GCN1: variants seen among roughly 807,000 people sequenced by gnomAD.
GCN1 encodes the protein GCN1 activator of EIF2AK4.
GCN1 carries 90 observed loss-of-function variants against 288.4 expected under a neutral mutation model. The ratio of observed to expected loss-of-function variants is 0.31; its 90% CI spans 0.26 to 0.37. The LOEUF is 0.37. GCN1 is among the 10% of genes least tolerant of loss of function. GCN1 has a pLI of 1.00. For synonymous variants in GCN1, 1,386 were observed against 1,420.2 expected (o/e 0.98, Z 0.54); for missense variants, 2,586 against 3,419.9 (o/e 0.76, Z 6.08).
rs145272774 is a variant in GCN1 at position 120,142,277 on chromosome 12, G to C, written c.5829+230C>G. ...GGAGGCGGAGCTTGCAGTGAGCTGA[G>C]ATCACGCCACTGCACTTCAGCCTGG... On this transcript the variant is annotated intron_variant, in intron 44 of 57. Transcript: ENST00000300648. The surrounding 1 kb of genome is among the most constrained non-coding windows in gnomAD (Gnocchi z 4.9). 3.7e-4 allele frequency among the ~76,000 whole-genome samples: 57 copies of C among 152,284 alleles called. No homozygotes were observed. In the East Asian group the frequency reaches 8.5e-3, roughly 23 times the overall value.
intron 16 of GCN1, 59 bp from the exon 17 acceptor site, chr12:120,164,780 A>T: frequency 9.8e-7 from 1 of 1,018,498 alleles, no homozygotes; most frequent in Non-Finnish European, 1.5e-6. Flanking sequence ...ACACATACAT[A>T]CCAATACCCA....
chr12:120,146,296 T>C (rs568866392), intron 38 of GCN1, among the ~76,000 whole-genome samples: 1 of 152,008 alleles, frequency 6.6e-6, no homozygotes, highest in South Asian at 2.1e-4. Context: ...TAACAGTAAT[T>C]ATTTTCGTGG....
intron 2 of GCN1, among the ~76,000 whole-genome samples, chr12:120,186,965 TTTCTAACTA>T (rs1878839112): frequency 6.6e-6 from 1 of 152,142 alleles, no homozygotes; most frequent in Non-Finnish European, 1.5e-5. Context: ...ATGGCTGCCT[TTTCTAACTA>T]GAGGGCTCTG....
At chr12:120,163,378 G>T in intron 18 of GCN1, 119 bp from the exon 19 acceptor site, 1 of 762,910 alleles carries the variant, frequency 1.3e-6, no homozygotes, top group Non-Finnish European at 2.1e-6. Flanking sequence ...GGTCCTTGCT[G>T]GAGTAGAAAT....
At chr12:120,183,064 G>C (rs775582141) in intron 5 of GCN1, among the ~76,000 whole-genome samples, 4 of 152,044 alleles carry the variant, frequency 2.6e-5, no homozygotes, top group African/African-American at 4.8e-5. Context: ...CATGGGGAAA[G>C]AAAAAGAAGA....
intron 45 of GCN1, among the ~76,000 whole-genome samples, chr12:120,139,776 C>A (rs1191151476): frequency 1.3e-5 from 2 of 152,206 alleles, no homozygotes; most frequent in African/African-American, 4.8e-5. Flanking sequence ...TGGCATCTGG[C>A]CCCCTCTCTC....
intron 1 of GCN1, among the ~76,000 whole-genome samples, chr12:120,194,262 G>GACTAC (rs931701548): frequency 6.6e-6 from 1 of 152,238 alleles, no homozygotes; most frequent in African/African-American, 2.4e-5. Flanking sequence ...TGAATCCAAA[G>GACTAC]ACTACACTCA....
At chr12:120,186,998 C>T (rs937335142) in intron 2 of GCN1, among the ~76,000 whole-genome samples, 1 of 152,070 alleles carries the variant, frequency 6.6e-6, no homozygotes, top group African/African-American at 2.4e-5. Context: ...GGAAAGTGAC[C>T]AGAAAAACCG....
At chr12:120,181,139 C>T (rs1345111808) in intron 5 of GCN1, among the ~76,000 whole-genome samples, 5 of 151,964 alleles carry the variant, frequency 3.3e-5, no homozygotes. Flanking sequence ...AAACCGTAAG[C>T]AACAGAGGAC....
In GCN1 at chr12:120,148,121, G is replaced by A. The variant is rs1222142693; in HGVS notation, c.4726+46C>T. ...TTCCCTGCAGTGTCCAAAGGCTGCG[G>A]CGTTGGTGGGAGGTCAGGGCAAGCA... On this transcript the variant is annotated intron_variant, in intron 37 of 57. Coordinates refer to ENST00000300648, the MANE Select transcript of GCN1 (RefSeq NM_006836.2). The A allele has an allele frequency of 3.5e-6, 5 of 1,429,988 alleles. No individual in the cohort carries two copies. The South Asian group carries it at 6.2e-5, about 18-fold the overall frequency. 88.6% of individuals were successfully genotyped at this position (1,429,988 alleles called of 1,614,324 possible).
chr12:120,169,034 G>A (rs1389699506), intron 15 of GCN1, among the ~76,000 whole-genome samples: 2 of 152,106 alleles, frequency 1.3e-5, no homozygotes, highest in Admixed American at 6.6e-5. Flanking sequence ...AGTGGCTCAC[G>A]CCTGTAATCC....
intron 14 of GCN1, among the ~76,000 whole-genome samples, chr12:120,172,356 G>T (rs769811372): frequency 1.8e-4 from 27 of 152,156 alleles, no homozygotes; most frequent in Non-Finnish European, 3.2e-4. Context: ...TTCAGAAAAA[G>T]ATATATTGCT....
Position 120,194,708 on chromosome 12 carries a change from C to A in GCN1, c.-11G>T. The A allele has an allele frequency of 1.3e-6, 2 of 1,509,374 alleles. No individual in the cohort carries two copies. Among genetic ancestry groups the A allele is most frequent in the Non-Finnish European group, 1.8e-6 (2 of 1,135,862 alleles). The allele number at this position is 1,509,374 out of a possible 1,614,324, so 93.5% of individuals were successfully genotyped here. ...CGTGTCCGCCGCCATCCTGCCGGGGCTGACTCCGGAACCGCTTCCGGAACG... is the reference window on the plus strand; with the variant it reads ...CGTGTCCGCCGCCATCCTGCCGGGGATGACTCCGGAACCGCTTCCGGAACG... On this transcript the variant is annotated 5_prime_UTR_variant, in exon 1 of 58. Transcript: ENST00000300648.
chr12:120,147,401 G>A (rs1261445044), intron 37 of GCN1, 129 bp from the exon 38 acceptor site: 2 of 462,572 alleles, frequency 4.3e-6, no homozygotes, highest in Non-Finnish European at 7.7e-6. Context: ...AACCCCACAA[G>A]TCACCAGCTG....
intron 56 of GCN1, among the ~76,000 whole-genome samples, chr12:120,129,780 G>A (rs3902094): frequency 0.018 from 2,699 of 152,202 alleles, 34 homozygotes; most frequent in South Asian, 0.049. Flanking sequence ...TGCTTGCCCC[G>A]GATCCTCTCT....
At chr12:120,176,633 GGAATCA>G (rs1566316813) in intron 9 of GCN1, among the ~76,000 whole-genome samples, 2 of 152,096 alleles carry the variant, frequency 1.3e-5, no homozygotes, top group Non-Finnish European at 2.9e-5. Flanking sequence ...ATATTTTCTG[GGAATCA>G]GAACAATGGC....
chr12:120,129,574 A>G (rs1258902838), intron 56 of GCN1, 80 bp from the exon 57 acceptor site: 3 of 1,014,570 alleles, frequency 3.0e-6, no homozygotes, highest in Non-Finnish European at 4.7e-6. Context: ...CAGCCTCGAC[A>G]CTCTCCCTAC....
At chr12:120,175,979 C>G in intron 10 of GCN1, 105 bp from the exon 11 acceptor site, 1 of 1,445,852 alleles carries the variant, frequency 6.9e-7, no homozygotes, top group Non-Finnish European at 9.6e-7. Flanking sequence ...GCTGTTTGCT[C>G]TCATTCAAAT....
chr12:120,179,976 C>A (rs779906691), intron 5 of GCN1, among the ~76,000 whole-genome samples: 4 of 152,154 alleles, frequency 2.6e-5, no homozygotes, highest in Non-Finnish European at 5.9e-5. Flanking sequence ...CACCGTCCAA[C>A]CCAGATTGAC....
Sources: gnomAD v4.1 joint callset for allele counts (sites outside exome capture counted in the v4.1 genomes callset) on GRCh38, gnomAD v4.1.1 for gene constraint, Gnocchi (gnomAD v3.1) non-coding constraint, MANE v1.5 for transcripts, NCBI Gene and HGNC (gene_info 2026-07-23, HGNC 2026-07-21) for gene names.